REV3L: variants seen among roughly 807,000 people sequenced by gnomAD.
REV3L encodes the protein DNA polymerase zeta catalytic subunit.
A neutral mutation model predicts 299.4 loss-of-function variants in REV3L; 69 were observed. That is an observed-to-expected ratio of 0.23 (90% CI 0.19 to 0.28). REV3L has a LOEUF of 0.28. REV3L is among the 10% of genes least tolerant of loss of function. The pLI is 1.00. For missense variants in REV3L, 3,128 were observed against 3,693.8 expected, an observed-to-expected ratio of 0.85 and a Z score of 3.97; for synonymous variants, 1,238 against 1,271.4, an observed-to-expected ratio of 0.97 and a Z score of 0.56.
intron 14 of REV3L, among the ~76,000 whole-genome samples, chr6:111,366,144 T>C (rs1017572408): frequency 6.6e-6 from 1 of 152,168 alleles, no homozygotes; most frequent in African/African-American, 2.4e-5. Context: ...TAAGGAAAAC[T>C]GAAAGAAGGC....
intron 1 of REV3L, among the ~76,000 whole-genome samples, chr6:111,453,782 G>A (rs955942066): frequency 3.3e-5 from 5 of 151,976 alleles, no homozygotes; most frequent in African/African-American, 4.8e-5. Flanking sequence ...TCAGGAGTTC[G>A]AGACCAGCCT....
intron 4 of REV3L, among the ~76,000 whole-genome samples, chr6:111,397,820 A>T (rs529636151): frequency 6.7e-4 from 102 of 151,958 alleles, no homozygotes; most frequent in African/African-American, 2.3e-3. Context: ...TCTTTTTTGT[A>T]AAGATGAGAT....
At chr6:111,345,392 C>T (rs1389781617) in intron 20 of REV3L, among the ~76,000 whole-genome samples, 1 of 152,090 alleles carries the variant, frequency 6.6e-6, no homozygotes, top group Non-Finnish European at 1.5e-5. Context: ...GTACTAAATT[C>T]CAGAGGTGAA....
At chr6:111,462,912 G>A (rs1042766170) in intron 1 of REV3L, among the ~76,000 whole-genome samples, 2 of 151,880 alleles carry the variant, frequency 1.3e-5, no homozygotes, top group Admixed American at 1.3e-4. Context: ...ACCCAAACAG[G>A]CTGGTTATAC....
intron 10 of REV3L, 147 bp downstream of exon 10, chr6:111,381,178 G>T: frequency 1.3e-6 from 1 of 745,778 alleles, no homozygotes; most frequent in Non-Finnish European, 2.1e-6. Context: ...TTGATTTAAT[G>T]CAAGGTTTCA....
chr6:111,323,473 T>G (rs1028319536), intron 25 of REV3L, among the ~76,000 whole-genome samples: 1 of 152,184 alleles, frequency 6.6e-6, no homozygotes, highest in Admixed American at 6.5e-5. Context: ...GAAAAATGTA[T>G]CTAATTATAT....
At position 111,315,389 on chromosome 6, in the gene REV3L, G is replaced by T. The variant is rs371346926; in HGVS notation, c.8352-8C>A. The T allele has an allele frequency of 1.2e-6, 2 of 1,605,652 alleles. No individual in the cohort carries two copies. Among genetic ancestry groups the T allele is most frequent in the Admixed American group, 1.7e-5 (1 of 59,260 alleles). ...TTCAGTAGCACAAACATACTAAGGG[G>T]ATTAAAAATAAAGTAAGGTAATGAG... On this transcript the variant is annotated splice_polypyrimidine_tract_variant and splice_region_variant and intron_variant, in intron 26 of 31. Coordinates refer to ENST00000368802, the MANE Select transcript of REV3L (RefSeq NM_001372078.1).
intron 4 of REV3L, among the ~76,000 whole-genome samples, chr6:111,394,733 TCTCA>T (rs1782303121): frequency 6.9e-6 from 1 of 145,070 alleles, no homozygotes; most frequent in African/African-American, 2.5e-5. Context: ...TGAGACAGGG[TCTCA>T]CTGTCATCCA....
At chr6:111,472,517 T>C (rs368249476) in intron 1 of REV3L, among the ~76,000 whole-genome samples, 15 of 151,686 alleles carry the variant, frequency 9.9e-5, no homozygotes, top group African/African-American at 3.4e-4. Flanking sequence ...CCAAAGTAAA[T>C]TGAGCTCAAA....
intron 21 of REV3L, among the ~76,000 whole-genome samples, chr6:111,342,409 C>T (rs982768508): frequency 6.6e-6 from 1 of 152,136 alleles, no homozygotes; most frequent in African/African-American, 2.4e-5. Flanking sequence ...TGGCTCATGC[C>T]TGTAATCCCA....
chr6:111,481,642 T>A (rs893042328), intron 1 of REV3L, among the ~76,000 whole-genome samples: 1 of 152,176 alleles, frequency 6.6e-6, no homozygotes, highest in Non-Finnish European at 1.5e-5. Context: ...GAGCATCAAG[T>A]GGGAAATGCT....
At chr6:111,483,704 C>T (rs750565994), upstream of REV3L, 136 of 360,506 alleles carry the variant, frequency 3.8e-4, no homozygotes, top group Middle Eastern at 8.1e-4. Flanking sequence ...AGGCGAGGCG[C>T]AGATCTCGTG....
At chr6:111,479,716 G>A (rs1000622887) in intron 1 of REV3L, among the ~76,000 whole-genome samples, 25 of 151,952 alleles carry the variant, frequency 1.6e-4, no homozygotes, top group African/African-American at 5.6e-4. Context: ...AGACTATGTC[G>A]CCCAGGCTGG....
At chr6:111,468,372 A>T (rs1025036382) in intron 1 of REV3L, among the ~76,000 whole-genome samples, 1 of 152,216 alleles carries the variant, frequency 6.6e-6, no homozygotes, top group Admixed American at 6.5e-5. Context: ...AACATTTGGA[A>T]CTCAATTTAC....
chr6:111,335,329 T>A, intron 22 of REV3L, 140 bp downstream of exon 22: 1 of 985,870 alleles, frequency 1.0e-6, no homozygotes, highest in Non-Finnish European at 1.4e-6. Context: ...AGAAAGAGAA[T>A]AAAATGACAA....
chr6:111,334,191 GC>G (rs1775684412), intron 22 of REV3L, among the ~76,000 whole-genome samples: 1 of 152,156 alleles, frequency 6.6e-6, no homozygotes. Context: ...CCCTGCCTTG[GC>G]CTCCTAAACT....
chr6:111,382,735 C>T (rs1260131553), intron 9 of REV3L, among the ~76,000 whole-genome samples: 6 of 152,178 alleles, frequency 3.9e-5, no homozygotes, highest in Non-Finnish European at 8.8e-5. Context: ...TTGGGGTACA[C>T]GCGCCTGGTG....
intron 10 of REV3L, among the ~76,000 whole-genome samples, chr6:111,380,742 G>A (rs1253872960): frequency 6.6e-6 from 1 of 152,214 alleles, no homozygotes; most frequent in African/African-American, 2.4e-5. Flanking sequence ...AAATAACATT[G>A]TTGTGTGCTC....
Position 111,373,159 on chromosome 6 carries a change from G to A in REV3L, c.5196C>T (p.Thr1732=), listed in dbSNP as rs767476854. The change falls in exon 13 of 32, where the codon ACC becomes ACT. Residue 1732 remains threonine, a synonymous_variant. Transcript: ENST00000368802. ...GGCGACGATTCTCATTGCTATCTATGGTTGACTTCTCAAAAATTTCAGGAC... is the reference window on the plus strand; with the variant it reads ...GGCGACGATTCTCATTGCTATCTATAGTTGACTTCTCAAAAATTTCAGGAC... ...TLSPEIFEKS[T]IDSNENRRHN... 4 of 1,613,956 alleles carry A rather than the reference G, an allele frequency of 2.5e-6. No individual in the cohort carries two copies. Among genetic ancestry groups the A allele is most frequent in the Admixed American group, 1.7e-5 (1 of 59,998 alleles).
Sources: gnomAD v4.1 joint callset for allele counts (sites outside exome capture counted in the v4.1 genomes callset) on GRCh38, gnomAD v4.1.1 for gene constraint, MANE v1.5 for transcripts, NCBI Gene and HGNC (gene_info 2026-07-23, HGNC 2026-07-21) for gene names.